Variants in CFAP299 observed in about 807,000 individuals in gnomAD.
CFAP299 encodes the protein cilia- and flagella-associated protein 299.
Under a neutral mutation model 27.0 loss-of-function variants are expected in CFAP299, and 21 were observed. The ratio of observed to expected loss-of-function variants is 0.78; its 90% CI spans 0.55 to 1.12. The LOEUF (loss-of-function observed/expected upper bound fraction) is 1.12. Among genes scored for constraint, CFAP299 ranks in the 50% most tolerant of loss-of-function variants. CFAP299 has a pLI of 0.00. For missense variants in CFAP299, 310 were observed against 276.6 expected (o/e 1.12, Z -0.86); for synonymous variants, 104 against 98.1 (o/e 1.06, Z -0.36).
At chr4:80,521,539 ATGT>A (rs1169781874) in intron 2 of CFAP299, among the ~76,000 whole-genome samples, 1 of 152,142 alleles carries the variant, frequency 6.6e-6, no homozygotes, top group Non-Finnish European at 1.5e-5. Context: ...AACTACATGT[ATGT>A]TGTTGTACAG....
chr4:80,532,052 G>A (rs1187166364), intron 2 of CFAP299, among the ~76,000 whole-genome samples: 2 of 152,140 alleles, frequency 1.3e-5, no homozygotes, highest in East Asian at 3.9e-4. Context: ...CACTCCGCCC[G>A]GCCTAAGACA....
chr4:80,737,253 T>A lies in CFAP299; in HGVS notation c.334-132740T>A, dbSNP rs562692603. On this transcript the variant is annotated intron_variant, in intron 3 of 5. Transcript: ENST00000358105. ...GGGTGCAGCGCACCAGCATGTCACA[T>A]GTATACATATGTAACTAACCTGCAC... Among the ~76,000 whole-genome samples, 84 of 151,934 alleles carry A rather than the reference T, an allele frequency of 5.5e-4. 1 individual carries two copies. Among genetic ancestry groups the A allele is most frequent in the Middle Eastern group, 3.4e-3 (1 of 292 alleles).
intron 3 of CFAP299, among the ~76,000 whole-genome samples, chr4:80,647,984 G>A (rs966556179): frequency 6.6e-6 from 1 of 152,178 alleles, no homozygotes; most frequent in Non-Finnish European, 1.5e-5. Flanking sequence ...TTGAACCCAG[G>A]AGGTGGAGGT....
chr4:80,863,479 C>T (rs766026480), intron 3 of CFAP299, among the ~76,000 whole-genome samples: 2 of 152,106 alleles, frequency 1.3e-5, no homozygotes, highest in Non-Finnish European at 2.9e-5. Flanking sequence ...TTGCATAAGT[C>T]TTTTCAACTA....
At chr4:80,903,839 C>G (rs1445491117) in intron 4 of CFAP299, among the ~76,000 whole-genome samples, 1 of 152,046 alleles carries the variant, frequency 6.6e-6, no homozygotes, top group Admixed American at 6.6e-5. Flanking sequence ...TCTCAAGAGA[C>G]TTTTATTATT....
intron 3 of CFAP299, among the ~76,000 whole-genome samples, chr4:80,853,075 G>T (rs546903568): frequency 1.3e-5 from 2 of 151,854 alleles, no homozygotes; most frequent in Non-Finnish European, 2.9e-5. Context: ...CTATTGCCCA[G>T]GCTGGAGTGC....
intron 2 of CFAP299, among the ~76,000 whole-genome samples, chr4:80,395,080 G>T (rs1578396439): frequency 1.3e-5 from 2 of 151,888 alleles, no homozygotes; most frequent in African/African-American, 4.8e-5. Context: ...TTTTATTTGT[G>T]TCCTCAAATG....
intron 2 of CFAP299, among the ~76,000 whole-genome samples, chr4:80,488,251 G>A (rs1242259905): frequency 6.6e-6 from 1 of 152,144 alleles, no homozygotes; most frequent in African/African-American, 2.4e-5. Flanking sequence ...AGAGAATGGG[G>A]TGTGGAGGAA....
At chr4:80,703,422 C>T (rs1268305545) in intron 3 of CFAP299, among the ~76,000 whole-genome samples, 3 of 151,560 alleles carry the variant, frequency 2.0e-5, no homozygotes, top group African/African-American at 7.3e-5. Context: ...GTGACCAAGA[C>T]TGAAAATATT....
intron 4 of CFAP299, among the ~76,000 whole-genome samples, chr4:80,881,909 T>C (rs954434802): frequency 6.6e-6 from 1 of 151,938 alleles, no homozygotes; most frequent in Admixed American, 6.6e-5. Context: ...ATAGAAATGA[T>C]GAAAAAGAAT....
intron 3 of CFAP299, among the ~76,000 whole-genome samples, chr4:80,722,419 A>C (rs907385858): frequency 8.1e-6 from 1 of 122,970 alleles, no homozygotes; most frequent in Non-Finnish European, 1.8e-5. Context: ...CTCCATCTCA[A>C]AAAAAAAAAA....
rs865816392 is a variant in CFAP299, at chr4:80,816,841, G to A, written c.334-53152G>A. Among the ~76,000 whole-genome samples the A allele has an allele frequency of 1.8e-4, 27 of 152,070 alleles. No homozygotes were observed. In the South Asian group the frequency reaches 5.2e-3, roughly 29 times the overall value. ...CGCTGCCACTAACGATAGCAGATGA[G>A]CTTTAAAAAAAATGCAAGAAAACCT... is the stretch of plus-strand genomic sequence containing the variant. On this transcript the variant is annotated intron_variant, in intron 3 of 5. Coordinates refer to ENST00000358105, the MANE Select transcript of CFAP299 (RefSeq NM_152770.3).
At chr4:80,343,389 T>C (rs1438391707) in intron 1 of CFAP299, among the ~76,000 whole-genome samples, 4 of 152,328 alleles carry the variant, frequency 2.6e-5, no homozygotes, top group Middle Eastern at 6.8e-3. Context: ...CATTGTCACA[T>C]GGCACTTACC....
intron 3 of CFAP299, among the ~76,000 whole-genome samples, chr4:80,651,326 CTCT>C (rs1473649743): frequency 3.4e-5 from 5 of 147,568 alleles, no homozygotes; most frequent in Non-Finnish European, 7.5e-5. Flanking sequence ...CTTTCTTTCT[CTCT>C]TCTTCTTCTC....
At position 80,747,197 on chromosome 4, in the gene CFAP299, A is replaced by G. The variant is rs1037526118; in HGVS notation, c.334-122796A>G. On this transcript the variant is annotated intron_variant, in intron 3 of 5. Coordinates refer to ENST00000358105, the MANE Select transcript of CFAP299 (RefSeq NM_152770.3). The stretch of plus-strand genomic sequence containing the variant: ...ATGTCATTATGTGACACATGATTGT[A>G]TAATAAATACATAAACCAGTGGCAT... 3.3e-5 allele frequency among the ~76,000 whole-genome samples: 5 copies of G among 152,200 alleles called. No homozygotes were observed. The East Asian group carries it at 7.7e-4, about 23-fold the overall frequency.
At chr4:80,377,676 A>T (rs1388136925) in intron 2 of CFAP299, among the ~76,000 whole-genome samples, 1 of 152,170 alleles carries the variant, frequency 6.6e-6, no homozygotes, top group Non-Finnish European at 1.5e-5. Context: ...TAAAATAGTT[A>T]TCAATTTGGA....
rs367984990 is a variant in CFAP299 at position 80,569,536 on chromosome 4, TGAG to T, written c.243-13554_243-13552del. ...TTCACAACAAAGATAAAATGACTAA[TGAG>T]GAAATTAAAATCTGCATGTCAAATT... On this transcript the variant is annotated intron_variant, in intron 2 of 5. Transcript: ENST00000358105. 6.8e-3 allele frequency among the ~76,000 whole-genome samples: 1,034 copies of T among 152,150 alleles called. 13 individuals carry two copies. The highest frequency in any genetic ancestry group is 0.024 in the African/African-American group (993 of 41,552).
At chr4:80,502,210 G>A (rs1478402771) in intron 2 of CFAP299, among the ~76,000 whole-genome samples, 1 of 152,046 alleles carries the variant, frequency 6.6e-6, no homozygotes, top group Non-Finnish European at 1.5e-5. Context: ...TTTAGCAGAT[G>A]ATTTCTTAAA....
Position 80,335,849 on chromosome 4 carries a change from G to C in CFAP299, c.81G>C (p.Gln27His). The C allele has an allele frequency of 6.2e-7, 1 of 1,612,908 alleles. No homozygotes were observed. The highest frequency in any genetic ancestry group is 8.5e-7 in the Non-Finnish European group (1 of 1,178,838). Residue 27 changes from glutamine (Q) to histidine (H), a missense_variant, in exon 1 of 6, where the codon CAG becomes CAC. Transcript: ENST00000358105. ...FNAYEDFLDS[Q>H]ITTVDLYYLE... ...CCTATGAAGATTTCCTGGACTCGCA[G>C]ATCACTACTGTGGACTTGTACTACC...
Sources: allele counts gnomAD v4.1 joint callset (sites outside exome capture counted in the v4.1 genomes callset), GRCh38; gene constraint gnomAD v4.1.1; transcripts MANE v1.5; gene names NCBI Gene and HGNC (gene_info 2026-07-23, HGNC 2026-07-21).